Variants in CLIC4 observed in about 807,000 individuals in gnomAD.
CLIC4 encodes the protein CLIC family member 4.
A neutral mutation model predicts 24.6 loss-of-function variants in CLIC4; 13 were observed. The observed-to-expected ratio is 0.53, with a 90% confidence interval of 0.34 to 0.84. The LOEUF (loss-of-function observed/expected upper bound fraction) is 0.84, where lower values mean the gene tolerates loss of function less well. Among genes scored for constraint, CLIC4 ranks in the 40% least tolerant of loss-of-function variants. The pLI is 0.01. For synonymous variants in CLIC4, 104 were observed against 111.3 expected, an observed-to-expected ratio of 0.93 and a Z score of 0.41; for missense variants, 227 against 301.7, an observed-to-expected ratio of 0.75 and a Z score of 1.83.
At chr1:24,758,978 A>G (rs1638886824) in intron 1 of CLIC4, among the ~76,000 whole-genome samples, 1 of 152,174 alleles carries the variant, frequency 6.6e-6, no homozygotes, top group Non-Finnish European at 1.5e-5. Context: ...TAGGTTTTAT[A>G]AAAGAAACTC....
intron 3 of CLIC4, among the ~76,000 whole-genome samples, chr1:24,824,083 A>G (rs1353592660): frequency 6.6e-6 from 1 of 152,220 alleles, no homozygotes; most frequent in African/African-American, 2.4e-5. Context: ...TGATCAAGCT[A>G]TTTGCTAAAG....
At chr1:24,771,679 A>G (rs553734437) in intron 1 of CLIC4, among the ~76,000 whole-genome samples, 35 of 152,300 alleles carry the variant, frequency 2.3e-4, no homozygotes, top group Middle Eastern at 3.4e-3. Flanking sequence ...ATTGTGTTCT[A>G]TATTACCTCA....
chr1:24,821,001 T>C (rs1176026802), intron 3 of CLIC4, among the ~76,000 whole-genome samples: 1 of 151,988 alleles, frequency 6.6e-6, no homozygotes, highest in Non-Finnish European at 1.5e-5. Flanking sequence ...CTGGGCAACA[T>C]GGTGAAACCC....
intron 3 of CLIC4, among the ~76,000 whole-genome samples, chr1:24,814,788 T>G (rs1318401731): frequency 6.6e-6 from 1 of 152,236 alleles, no homozygotes; most frequent in African/African-American, 2.4e-5. Flanking sequence ...GATATGCAGC[T>G]TTGCATCATA....
chr1:24,802,271 C>T (rs1363532328), intron 2 of CLIC4, among the ~76,000 whole-genome samples: 6 of 152,038 alleles, frequency 3.9e-5, no homozygotes, highest in African/African-American at 1.2e-4. Flanking sequence ...TTTTCATTTG[C>T]AGATTTTTTA....
At chr1:24,797,641 T>G in intron 1 of CLIC4, 101 bp from the exon 2 acceptor site, 1 of 746,154 alleles carries the variant, frequency 1.3e-6, no homozygotes, top group South Asian at 2.3e-5. Flanking sequence ...AATGTAACTT[T>G]TCCTGGCTTC....
chr1:24,797,704 C>G, intron 1 of CLIC4, 38 bp from the exon 2 acceptor site: 1 of 1,453,912 alleles, frequency 6.9e-7, no homozygotes, highest in Non-Finnish European at 9.5e-7. Context: ...AGTATCATCA[C>G]TTTGACCTTG....
chr1:24,773,644 T>C (rs1037273323), intron 1 of CLIC4, among the ~76,000 whole-genome samples: 1 of 138,750 alleles, frequency 7.2e-6, no homozygotes, highest in African/African-American at 2.7e-5. Flanking sequence ...TCATCCAGGC[T>C]AGAGTGCAGT....
intron 1 of CLIC4, among the ~76,000 whole-genome samples, chr1:24,779,892 T>A (rs1639182970): frequency 6.6e-6 from 1 of 152,236 alleles, no homozygotes; most frequent in African/African-American, 2.4e-5. Flanking sequence ...CTTCAATTCT[T>A]CATCATTTGA....
intron 4 of CLIC4, 25 bp downstream of exon 4, chr1:24,827,141 CATT>C: frequency 6.8e-7 from 1 of 1,466,060 alleles, no homozygotes; most frequent in African/African-American, 1.4e-5. Flanking sequence ...CTTGAATTAA[CATT>C]GCAACAAAAA....
chr1:24,812,485 C>A (rs1195478942), intron 2 of CLIC4, among the ~76,000 whole-genome samples: 1 of 152,126 alleles, frequency 6.6e-6, no homozygotes, highest in Admixed American at 6.5e-5. Flanking sequence ...CATCTTTACA[C>A]AATTAGTTGG....
intron 1 of CLIC4, among the ~76,000 whole-genome samples, chr1:24,784,931 G>A (rs1337930227): frequency 6.6e-6 from 1 of 150,568 alleles, no homozygotes; most frequent in Non-Finnish European, 1.5e-5. Flanking sequence ...GTGAACCCGG[G>A]AGGCGGAGCT....
chr1:24,831,245 A>T (rs2124171088), intron 4 of CLIC4, among the ~76,000 whole-genome samples: 1 of 152,270 alleles, frequency 6.6e-6, no homozygotes, highest in Admixed American at 6.5e-5. Context: ...ATTTATTTAA[A>T]TGAGACAAGG....
rs1639644407 is a variant in CLIC4, at chr1:24,814,086, C to T, written c.183-8C>T. Reference sequence around the variant, plus strand: ...TGATCTGATTTTGACCAATATTTTGCCCAACAGGAAGCCAGCAGACCTGCA... The same window carrying T: ...TGATCTGATTTTGACCAATATTTTGTCCAACAGGAAGCCAGCAGACCTGCA... On this transcript the variant is annotated splice_polypyrimidine_tract_variant and splice_region_variant and intron_variant, in intron 2 of 5. Transcript: ENST00000374379. The T allele has an allele frequency of 1.2e-6, 2 of 1,612,872 alleles. No individual in the cohort carries two copies. The highest frequency in any genetic ancestry group is 1.7e-6 in the Non-Finnish European group (2 of 1,179,890).
In CLIC4 at chr1:24,812,740, G is replaced by A. The variant is rs1453472754; in HGVS notation, c.183-1354G>A. Among the ~76,000 whole-genome samples the A allele has an allele frequency of 2.0e-5, 3 of 151,648 alleles. No homozygotes were observed. In the East Asian group the frequency reaches 5.8e-4, roughly 29 times the overall value. ...AGTACTATTTCTTTCTTTTTTTTGA[G>A]ACAGAGTATTGCTCTGTCACCAGGC... On this transcript the variant is annotated intron_variant, in intron 2 of 5. Transcript: ENST00000374379.
intron 1 of CLIC4, among the ~76,000 whole-genome samples, chr1:24,784,868 G>A (rs1235429071): frequency 1.3e-5 from 2 of 152,038 alleles, no homozygotes; most frequent in African/African-American, 4.8e-5. Flanking sequence ...GCCGGGCATG[G>A]TGGCGTGCAT....
chr1:24,756,358 A>G (rs1321660504), intron 1 of CLIC4, among the ~76,000 whole-genome samples: 2 of 152,242 alleles, frequency 1.3e-5, no homozygotes, highest in Non-Finnish European at 2.9e-5. Flanking sequence ...ACCTGAGTTC[A>G]ACATGCATAT....
chr1:24,824,995 G>GTC (rs1208359968), intron 3 of CLIC4, among the ~76,000 whole-genome samples: 136 of 70,456 alleles, frequency 1.9e-3, no homozygotes, highest in African/African-American at 7.4e-3. Context: ...GGGAGACCCT[G>GTC]TCACACACAC....
intron 1 of CLIC4, among the ~76,000 whole-genome samples, chr1:24,756,212 G>A (rs1402084475): frequency 6.6e-6 from 1 of 152,096 alleles, no homozygotes; most frequent in East Asian, 1.9e-4. Flanking sequence ...TGTTAGCTAG[G>A]ATGGTCTTGA....
Sources: allele counts gnomAD v4.1 joint callset (sites outside exome capture counted in the v4.1 genomes callset), GRCh38; gene constraint gnomAD v4.1.1; transcripts MANE v1.5; gene names NCBI Gene and HGNC (gene_info 2026-07-23, HGNC 2026-07-21).